Variants in LMBRD2 observed in about 807,000 individuals in gnomAD.
The protein encoded by LMBRD2 is G protein-coupled receptor-associated protein LMBRD2.
Under a neutral mutation model 94.4 loss-of-function variants are expected in LMBRD2, and 55 were observed. The ratio of observed to expected loss-of-function variants is 0.58; its 90% CI spans 0.47 to 0.73. The LOEUF (loss-of-function observed/expected upper bound fraction) is 0.73. Among genes scored for constraint, LMBRD2 ranks in the 30% least tolerant of loss-of-function variants. The probability of loss-of-function intolerance (pLI) is 0.00; values close to 1 mark genes in which losing one functional copy is unlikely to be tolerated. For synonymous variants in LMBRD2, 246 were observed against 272.4 expected (o/e 0.90, Z 0.95); for missense variants, 640 against 831.9 (o/e 0.77, Z 2.84).
In LMBRD2 at chr5:36,142,546, A is replaced by G. The variant is rs12658867; in HGVS notation, c.228T>C (p.Asn76=). The change falls in exon 3 of 18, where the codon AAT becomes AAC. Residue 76 remains asparagine (N), a synonymous_variant. Transcript: ENST00000296603. ...HAAANSSPPE[N]SNITGLYATA... ...TTGCGTACAATCCTGTAATGTTGCT[A>G]TTCTCAGGAGGGCTTGAATTTGCAG... 621,279 of 1,607,480 alleles carry G rather than the reference A, an allele frequency of 0.39. 126,690 individuals are homozygous for G. The highest frequency in any genetic ancestry group is 0.42 in the Non-Finnish European group (494,176 of 1,174,470).
rs1371676563 is a variant in LMBRD2, at chr5:36,103,253, T to G, written c.*793A>C. The G allele has an allele frequency of 1.3e-5, 2 of 152,292 alleles. No homozygotes were observed. The highest frequency in any genetic ancestry group is 3.0e-5 in the Non-Finnish European group (2 of 67,784). The allele number at this position is 152,292 out of a possible 1,614,324, so 9.4% of individuals were successfully genotyped here. A position where few individuals can be genotyped will look rare whatever the true frequency, so the allele number is the denominator to read the frequency against. On this transcript the variant is annotated 3_prime_UTR_variant, in exon 18 of 18. Coordinates refer to ENST00000296603, the MANE Select transcript of LMBRD2 (RefSeq NM_001007527.2). The stretch of plus-strand genomic sequence containing the variant: ...TTCATTAATGCCTAGGATTTATCCT[T>G]GAATATCATAATCAACATTTAAATC...
intron 1 of LMBRD2, among the ~76,000 whole-genome samples, chr5:36,150,879 C>A (rs931872969): frequency 1.3e-5 from 2 of 152,126 alleles, no homozygotes; most frequent in African/African-American, 4.8e-5. Context: ...CACTACAGAG[C>A]GAATCATTTT....
chr5:36,140,910 A>G, intron 4 of LMBRD2, 197 bp downstream of exon 4: 1 of 406,594 alleles, frequency 2.5e-6, no homozygotes, highest in Non-Finnish European at 4.4e-6. Context: ...TTTAGAGTGC[A>G]GTTGTTTGCA....
At chr5:36,126,657 C>T (rs1744014431) in intron 6 of LMBRD2, among the ~76,000 whole-genome samples, 1 of 152,146 alleles carries the variant, frequency 6.6e-6, no homozygotes, top group Non-Finnish European at 1.5e-5. Flanking sequence ...AATGATTTGA[C>T]ATAGTTTATA....
intron 2 of LMBRD2, chr5:36,142,863 T>G (rs1579528838): frequency 2.6e-6 from 1 of 379,944 alleles, no homozygotes; most frequent in Non-Finnish European, 4.8e-6. Context: ...TAGCTGGGAC[T>G]ACAGGCGTCC....
At chr5:36,131,364 C>G (rs1319843193) in intron 6 of LMBRD2, among the ~76,000 whole-genome samples, 1 of 152,046 alleles carries the variant, frequency 6.6e-6, no homozygotes, top group Non-Finnish European at 1.5e-5. Flanking sequence ...ATATGACAGA[C>G]CCACAGCTAG....
At chr5:36,121,528 T>A (rs1743886723) in intron 9 of LMBRD2, among the ~76,000 whole-genome samples, 1 of 152,148 alleles carries the variant, frequency 6.6e-6, no homozygotes, top group African/African-American at 2.4e-5. Context: ...AGGAGAAAAA[T>A]GATAACTACA....
In LMBRD2 at chr5:36,099,776, T is replaced by A. The variant is rs576217027; in HGVS notation, c.*4270A>T. 6.6e-6 allele frequency: 1 copy of A among 152,230 alleles called. No homozygotes were observed. The highest frequency in any genetic ancestry group is 2.1e-4 in the South Asian group (1 of 4,826). The allele number at this position is 152,230 out of a possible 1,614,324, so 9.4% of individuals were successfully genotyped here. A position where few individuals can be genotyped will look rare whatever the true frequency, so the allele number is the denominator to read the frequency against. ...TCCCAAGGAGTGTGTAAAAAATAAA[T>A]GTCTTTTAGGATATTGATGAGAAGA... On this transcript the variant is annotated 3_prime_UTR_variant, in exon 18 of 18. Coordinates refer to ENST00000296603, the MANE Select transcript of LMBRD2 (RefSeq NM_001007527.2).
Position 36,136,385 on chromosome 5 carries a change from A to C in LMBRD2, c.671T>G (p.Met224Arg), listed in dbSNP as rs1299574018. ...TTTGGCTGCCTTAAAATACGTTTTC[A>C]TAAGTAGATAACCCCTTTTTGCTCC... The part of the protein sequence containing the change: ...WNGAKRGYLL[M>R]KTYFKAAKLM... Residue 224 changes from methionine to arginine, a missense_variant, in exon 6 of 18, where the codon ATG (methionine) becomes AGG (arginine). Coordinates refer to ENST00000296603, the MANE Select transcript of LMBRD2 (RefSeq NM_001007527.2). 1 of 1,614,102 alleles carries C rather than the reference A, an allele frequency of 6.2e-7. No homozygotes were observed. Among genetic ancestry groups the C allele is most frequent in the Admixed American group, 1.7e-5 (1 of 60,024 alleles).
At chr5:36,139,019 G>C (rs532529985) in intron 4 of LMBRD2, among the ~76,000 whole-genome samples, 3 of 152,250 alleles carry the variant, frequency 2.0e-5, no homozygotes, top group Admixed American at 2.0e-4. Flanking sequence ...GAAGAGGTGG[G>C]AGCCCCACCC....
chr5:36,144,875 TTTC>T (rs1346753336), intron 1 of LMBRD2, among the ~76,000 whole-genome samples: 2 of 152,274 alleles, frequency 1.3e-5, no homozygotes, highest in South Asian at 4.1e-4. Context: ...AATGAACAAT[TTTC>T]TTCACTATTT....
chr5:36,142,685 T>C, intron 2 of LMBRD2, 86 bp from the exon 3 acceptor site: 1 of 740,814 alleles, frequency 1.3e-6, no homozygotes, highest in Non-Finnish European at 2.4e-6. Flanking sequence ...AATCTATCTA[T>C]CTAAACTTAC....
intron 6 of LMBRD2, among the ~76,000 whole-genome samples, chr5:36,128,778 C>A (rs1266583525): frequency 6.6e-6 from 1 of 152,128 alleles, no homozygotes; most frequent in Non-Finnish European, 1.5e-5. Flanking sequence ...CCTGAAGACA[C>A]AGAGATATGT....
rs138394698 is a variant in LMBRD2, at chr5:36,133,188, G to A, written c.747+3121C>T. 9.0e-4 allele frequency among the ~76,000 whole-genome samples: 137 copies of A among 152,074 alleles called. 2 individuals are homozygous for A. The highest frequency in any genetic ancestry group is 3.2e-3 in the African/African-American group (132 of 41,500). On this transcript the variant is annotated intron_variant, in intron 6 of 17. Coordinates refer to ENST00000296603, the MANE Select transcript of LMBRD2 (RefSeq NM_001007527.2). ...CATATGAATGGATAAAGAAAATGTG[G>A]TACATATACACAACAGAGTACTATT...
In LMBRD2 at chr5:36,103,284, G is replaced by A. The variant is rs1350724362; in HGVS notation, c.*762C>T. ...TCATAATCAACATTTAAATCAATAT[G>A]TTAAATGATAAATGTGAACATAGCT... On this transcript the variant is annotated 3_prime_UTR_variant, in exon 18 of 18. Coordinates refer to ENST00000296603, the MANE Select transcript of LMBRD2 (RefSeq NM_001007527.2). 6.6e-6 allele frequency: 1 copy of A among 152,112 alleles called. No homozygotes were observed. Among genetic ancestry groups the A allele is most frequent in the African/African-American group, 2.4e-5 (1 of 41,360 alleles). The allele number at this position is 152,112 out of a possible 1,614,324, so 9.4% of individuals were successfully genotyped here.
In LMBRD2 at chr5:36,101,610, T is replaced by C. The variant is rs1180572820; in HGVS notation, c.*2436A>G. 6.6e-6 allele frequency: 1 copy of C among 151,936 alleles called. No homozygotes were observed. The highest frequency in any genetic ancestry group is 1.5e-5 in the Non-Finnish European group (1 of 67,844). The allele number at this position is 151,936 out of a possible 1,614,324, so 9.4% of individuals were successfully genotyped here. ...AAATATTAACTTGGTTCCCCAGCAA[T>C]AAACTGAGTCTTCCAGGGTCAAGTC... On this transcript the variant is annotated 3_prime_UTR_variant, in exon 18 of 18. Transcript: ENST00000296603.
intron 9 of LMBRD2, among the ~76,000 whole-genome samples, chr5:36,119,180 T>C (rs536865997): frequency 1.3e-5 from 2 of 152,280 alleles, no homozygotes; most frequent in African/African-American, 4.8e-5. Flanking sequence ...CCCCTTTCAA[T>C]ACCCTTATCT....
chr5:36,125,585 G>A (rs1191748983), intron 6 of LMBRD2, among the ~76,000 whole-genome samples: 2 of 152,138 alleles, frequency 1.3e-5, no homozygotes, highest in Non-Finnish European at 2.9e-5. Flanking sequence ...TTGATATCAT[G>A]TAAAGAGGTA....
chr5:36,149,876 C>T (rs1360070088), intron 1 of LMBRD2, among the ~76,000 whole-genome samples: 13 of 152,150 alleles, frequency 8.5e-5, no homozygotes, highest in Non-Finnish European at 1.5e-5. Flanking sequence ...CATTGCACTC[C>T]AGCCTGGGCA....
Sources: gnomAD v4.1 joint callset for allele counts (sites outside exome capture counted in the v4.1 genomes callset) on GRCh38, gnomAD v4.1.1 for gene constraint, MANE v1.5 for transcripts, NCBI Gene and HGNC (gene_info 2026-07-23, HGNC 2026-07-21) for gene names.